Variants in FBXO47 observed in about 807,000 individuals in gnomAD.
FBXO47 encodes the protein F-box protein 47, also known as F-box only protein 47.
Under a neutral mutation model 53.9 loss-of-function variants are expected in FBXO47, and 34 were observed. The observed-to-expected ratio is 0.63, with a 90% CI of 0.48 to 0.84. FBXO47 has a LOEUF of 0.84. Among genes scored for constraint, FBXO47 ranks in the 40% least tolerant of loss-of-function variants. FBXO47 has a pLI of 0.00. For synonymous variants in FBXO47, 165 were observed against 181.6 expected, an observed-to-expected ratio of 0.91 and a Z score of 0.73; for missense variants, 485 against 541.3, an observed-to-expected ratio of 0.90 and a Z score of 1.03.
chr17:38,946,369 G>GAT lies in FBXO47; in HGVS notation c.617-1235_617-1234dup, dbSNP rs1309339267. Among the ~76,000 whole-genome samples, 63 of 40,290 alleles carry GAT rather than the reference G, an allele frequency of 1.6e-3. 1 individual carries two copies. The highest frequency in any genetic ancestry group is 2.1e-3 in the Non-Finnish European group (53 of 25,278). The allele number at this position is 40,290 out of a possible 152,430, so 26.4% of individuals were successfully genotyped here. On this transcript the variant is annotated intron_variant, in intron 6 of 10. Transcript: ENST00000378079. The stretch of plus-strand genomic sequence containing the variant: ...ATATATAAATATATATAAATATATA[G>GAT]ATATATATATAAATATATATATCTA...
intron 1 of FBXO47, among the ~76,000 whole-genome samples, chr17:38,964,634 C>T (rs886487727): frequency 2.6e-5 from 4 of 151,900 alleles, no homozygotes; most frequent in African/African-American, 9.7e-5. Context: ...GCACTCCAGC[C>T]TGGGGCAACA....
At position 38,945,104 on chromosome 17, in the gene FBXO47, G is replaced by T. The variant is rs1229047292; in HGVS notation, c.649C>A (p.Leu217Ile). The change falls in exon 7 of 11, where the codon CTC becomes ATC. Residue 217 changes from leucine (L) to isoleucine (I), a missense_variant. Leu to Ile is a conservative substitution (Grantham distance 5). Transcript: ENST00000378079. ...TCAAGGAGGACATTCCTACAGAAGA[G>T]TCTGATTCTTAACTCCAGTTTTTGG... is the stretch of plus-strand genomic sequence containing the variant. ...SAQKLELRIR[L>I]FCRNVLLDHW... The T allele has an allele frequency of 6.2e-7, 1 of 1,613,378 alleles. No individual in the cohort carries two copies. The highest frequency in any genetic ancestry group is 2.2e-5 in the East Asian group (1 of 44,860).
chr17:38,942,662 T>C (rs1192186221), intron 9 of FBXO47, 116 bp downstream of exon 9: 4 of 666,416 alleles, frequency 6.0e-6, no homozygotes, highest in African/African-American at 1.8e-5. Context: ...AAATATATAC[T>C]TCAATACTCA....
chr17:38,951,635 A>G lies in FBXO47; in HGVS notation c.562T>C (p.Cys188Arg). ...LECHRVYNFL[C>R]ELTNLCRKIQ... The stretch of plus-strand genomic sequence containing the variant: ...TTGCGGCAGAGATTAGTCAGTTCGC[A>G]TAAGAAATTATAAACGCGATGGCAC... The change falls in exon 6 of 11, where the codon TGC becomes CGC. Residue 188 changes from cysteine (C) to arginine (R), a missense_variant. By Grantham distance (180) the Cys-to-Arg change is radical (BLOSUM62 -3). Transcript: ENST00000378079. 6.2e-7 allele frequency: 1 copy of G among 1,614,152 alleles called. No individual in the cohort carries two copies. The highest frequency in any genetic ancestry group is 8.5e-7 in the Non-Finnish European group (1 of 1,180,018).
At chr17:38,944,845 T>C (rs1904673301) in intron 7 of FBXO47, 115 bp downstream of exon 7, 2 of 798,646 alleles carry the variant, frequency 2.5e-6, no homozygotes, top group African/African-American at 3.6e-5. Flanking sequence ...TGTGCGTGCA[T>C]GCATGTGTGT....
At chr17:38,956,332 A>G (rs1905555506) in intron 4 of FBXO47, among the ~76,000 whole-genome samples, 1 of 152,084 alleles carries the variant, frequency 6.6e-6, no homozygotes, top group Non-Finnish European at 1.5e-5. Flanking sequence ...TCATACCTGT[A>G]ATCCCAGCAC....
Position 38,938,574 on chromosome 17 carries a change from A to G in FBXO47, c.1242T>C (p.Ser414=). 3.1e-6 allele frequency: 5 copies of G among 1,609,944 alleles called. No homozygotes were observed. The highest frequency in any genetic ancestry group is 4.2e-6 in the Non-Finnish European group (5 of 1,177,350). The change falls in exon 10 of 11, where the codon TCT becomes TCC. Residue 414 remains serine, a splice_region_variant and synonymous_variant. Coordinates refer to ENST00000378079, the MANE Select transcript of FBXO47 (RefSeq NM_001008777.3). ...VIMEMLQSIM[S]GDRDEDDRSF... ...TGCACCAAGTACATTCCTACTCACC[A>G]GACATAATTGATTGCAGCATTTCCA...
chr17:38,960,273 A>T lies in FBXO47; in HGVS notation c.352+1604T>A, dbSNP rs561063175. ...CACTGCAAGATCCCATCTCAAAAAA[A>T]AAAATAGTGAAAACAATAATAGATC... On this transcript the variant is annotated intron_variant, in intron 3 of 10. Transcript: ENST00000378079. Among the ~76,000 whole-genome samples, 11 of 152,184 alleles carry T rather than the reference A, an allele frequency of 7.2e-5. No individual in the cohort carries two copies. The East Asian group carries it at 2.2e-3, about 30-fold the overall frequency.
At chr17:38,953,363 GTC>G (rs1171383801) in intron 5 of FBXO47, among the ~76,000 whole-genome samples, 3 of 151,464 alleles carry the variant, frequency 2.0e-5, no homozygotes, top group Non-Finnish European at 4.4e-5. Flanking sequence ...GGTGGCTAAT[GTC>G]TGTAATCCCA....
intron 5 of FBXO47, among the ~76,000 whole-genome samples, chr17:38,954,293 GT>G (rs1905446565): frequency 6.6e-6 from 1 of 151,594 alleles, no homozygotes; most frequent in Non-Finnish European, 1.5e-5. Flanking sequence ...GTAAGACTCC[GT>G]CTCAAAAAAT....
At chr17:38,959,304 C>A (rs757318084) in intron 3 of FBXO47, among the ~76,000 whole-genome samples, 1 of 151,744 alleles carries the variant, frequency 6.6e-6, no homozygotes, top group South Asian at 2.1e-4. Context: ...TATAATTGGC[C>A]GAGTACGGTG....
intron 6 of FBXO47, among the ~76,000 whole-genome samples, chr17:38,947,600 C>T (rs1905007873): frequency 6.6e-6 from 1 of 152,074 alleles, no homozygotes; most frequent in Non-Finnish European, 1.5e-5. Flanking sequence ...TGAGTTACCA[C>T]ACTCGGATAT....
chr17:38,959,594 A>G lies in FBXO47; in HGVS notation c.352+2283T>C, dbSNP rs961475462. Among the ~76,000 whole-genome samples the G allele has an allele frequency of 1.1e-3, 173 of 150,956 alleles. 3 individuals are homozygous for G. The highest frequency in any genetic ancestry group is 2.0e-3 in the Non-Finnish European group (137 of 67,794). Reference sequence around the variant, plus strand: ...GACTCTGCCTCAAAAAAAAAAAAAAAAAAAAAAAAGAAAATTATTCTTCAA... The same window carrying G: ...GACTCTGCCTCAAAAAAAAAAAAAAGAAAAAAAAAGAAAATTATTCTTCAA... On this transcript the variant is annotated intron_variant, in intron 3 of 10. Coordinates refer to ENST00000378079, the MANE Select transcript of FBXO47 (RefSeq NM_001008777.3).
intron 5 of FBXO47, among the ~76,000 whole-genome samples, chr17:38,953,885 G>C (rs1343512463): frequency 6.6e-6 from 1 of 152,158 alleles, no homozygotes; most frequent in Non-Finnish European, 1.5e-5. Context: ...ACTAGTAGGA[G>C]GGCTTAGACC....
At chr17:38,941,954 G>A (rs780208178) in intron 9 of FBXO47, among the ~76,000 whole-genome samples, 4 of 151,874 alleles carry the variant, frequency 2.6e-5, no homozygotes, top group Non-Finnish European at 5.9e-5. Context: ...TTTATTACAG[G>A]TGTGAGCCAT....
intron 4 of FBXO47, among the ~76,000 whole-genome samples, chr17:38,955,316 A>T (rs1905494912): frequency 6.7e-6 from 1 of 149,496 alleles, no homozygotes; most frequent in Non-Finnish European, 1.5e-5. Flanking sequence ...TGAACCCAGG[A>T]GGCGGAGCTG....
At chr17:38,965,276 G>T (rs570043063) in intron 1 of FBXO47, among the ~76,000 whole-genome samples, 19 of 152,164 alleles carry the variant, frequency 1.2e-4, no homozygotes, top group African/African-American at 4.6e-4. Flanking sequence ...AACTCCAATC[G>T]AAGGCTCCTT....
At chr17:38,946,091 AAT>A (rs1199854225) in intron 6 of FBXO47, among the ~76,000 whole-genome samples, 13 of 125,304 alleles carry the variant, frequency 1.0e-4, no homozygotes, top group Admixed American at 1.9e-4. Flanking sequence ...TAAATACATA[AAT>A]ATATATTTAT....
At chr17:38,954,135 A>G (rs1483505677) in intron 5 of FBXO47, among the ~76,000 whole-genome samples, 1 of 152,090 alleles carries the variant, frequency 6.6e-6, no homozygotes, top group Non-Finnish European at 1.5e-5. Flanking sequence ...TCTACTAAAA[A>G]TACAAACAAA....
Sources: gnomAD v4.1 joint callset for allele counts (sites outside exome capture counted in the v4.1 genomes callset) on GRCh38, gnomAD v4.1.1 for gene constraint, MANE v1.5 for transcripts, NCBI Gene and HGNC (gene_info 2026-07-23, HGNC 2026-07-21) for gene names.